Variants in DSC1 observed in about 807,000 individuals in gnomAD.
DSC1 encodes the protein desmocollin 1.
Under a neutral mutation model 98.8 loss-of-function variants are expected in DSC1, and 79 were observed. The ratio of observed to expected loss-of-function variants is 0.80; its 90% confidence interval spans 0.67 to 0.96. The LOEUF is 0.96. Among genes scored for constraint, DSC1 ranks in the 50% least tolerant of loss-of-function variants. The probability of loss-of-function intolerance (pLI) is 0.00; values close to 1 mark genes in which losing one functional copy is unlikely to be tolerated. For synonymous variants in DSC1, 405 were observed against 372.1 expected, an observed-to-expected ratio of 1.09 and a Z score of -1.02; for missense variants, 1,115 against 1,075.9, an observed-to-expected ratio of 1.04 and a Z score of -0.51.
intron 11 of DSC1, among the ~76,000 whole-genome samples, chr18:31,138,371 C>A (rs977195900): frequency 5.3e-5 from 8 of 152,164 alleles, no homozygotes; most frequent in African/African-American, 1.9e-4. Context: ...TTCATACATT[C>A]TTTTTGAGGA....
At chr18:31,155,921 A>T in intron 4 of DSC1, 122 bp downstream of exon 4, 1 of 1,031,182 alleles carries the variant, frequency 9.7e-7, no homozygotes, top group Non-Finnish European at 1.4e-6. Context: ...TCTGGTGAAT[A>T]GATGATCATT....
chr18:31,153,386 G>A (rs935062912), intron 5 of DSC1, among the ~76,000 whole-genome samples: 2 of 152,124 alleles, frequency 1.3e-5, no homozygotes, highest in Non-Finnish European at 1.5e-5. Context: ...CAAAGTGATT[G>A]CAATGGTGCT....
Position 31,130,483 on chromosome 18 carries a change from T to A in DSC1, c.*31A>T. ...CAAGTAATAAATTCCTACTTATGCA[T>A]CTGTGGATATTACACTATTAAAAGG... On this transcript the variant is annotated 3_prime_UTR_variant, in exon 16 of 16. Coordinates refer to ENST00000257198, the MANE Select transcript of DSC1 (RefSeq NM_024421.2). The A allele has an allele frequency of 6.2e-7, 1 of 1,609,434 alleles. No homozygotes were observed. The highest frequency in any genetic ancestry group is 8.5e-7 in the Non-Finnish European group (1 of 1,176,162).
At chr18:31,137,558 A>C (rs945928157) in intron 11 of DSC1, among the ~76,000 whole-genome samples, 1 of 152,186 alleles carries the variant, frequency 6.6e-6, no homozygotes, top group East Asian at 1.9e-4. Context: ...GACGATTTAC[A>C]AAGAAAAAGG....
At position 31,155,074 on chromosome 18, in the gene DSC1, C is replaced by T. The variant is rs945241634; in HGVS notation, c.472-145G>A. ...CTTCTGCTTAGGTGCCCATTATCTG[C>T]CATGTTTTCCGAATTTTTATTTGCA... On this transcript the variant is annotated intron_variant, in intron 4 of 15. Transcript: ENST00000257198. 3.2e-6 allele frequency: 3 copies of T among 948,580 alleles called. No individual in the cohort carries two copies. The African/African-American group carries it at 5.0e-5, about 16-fold the overall frequency. 58.8% of individuals were successfully genotyped at this position (948,580 alleles called of 1,614,324 possible).
At chr18:31,155,003 A>C in intron 4 of DSC1, 74 bp from the exon 5 acceptor site, 1 of 1,529,032 alleles carries the variant, frequency 6.5e-7, no homozygotes, top group Non-Finnish European at 8.9e-7. Context: ...GTGATGGTTT[A>C]TTTTTTTACC....
At position 31,134,643 on chromosome 18, in the gene DSC1, T is replaced by A; in HGVS notation, c.1805A>T (p.Glu602Val). Residue 602 changes from glutamate to valine, a missense_variant, in exon 12 of 16, where the codon GAA (glutamate) becomes GTA (valine). Physicochemically the swap from Glu to Val is moderately radical, Grantham distance 121. Transcript: ENST00000257198. ...VLKPVDPDGP[E>V]NGPPFQFFLD... is the part of the protein sequence containing the mutation. ...AAAGAATTGAAAAGGTGGTCCATTT[T>A]CAGGTCCATCTGGATCTACAGGTTT... 6.2e-7 allele frequency: 1 copy of A among 1,612,998 alleles called. No individual in the cohort carries two copies. Among genetic ancestry groups the A allele is most frequent in the Non-Finnish European group, 8.5e-7 (1 of 1,179,430 alleles).
At chr18:31,149,299 A>G (rs1447341986) in intron 5 of DSC1, among the ~76,000 whole-genome samples, 1 of 152,308 alleles carries the variant, frequency 6.6e-6, no homozygotes, top group Non-Finnish European at 1.5e-5. Context: ...TTCATCCCTC[A>G]TGGGAACAAC....
rs768220249 is a variant in DSC1, at chr18:31,156,174, A to C, written c.352-12T>G. ...CTCTTCTTAGGAGACTACATTTGAC[A>C]AGAAACAAAGAAATGTAGCATTGCT... On this transcript the variant is annotated splice_polypyrimidine_tract_variant and intron_variant, in intron 3 of 15. Coordinates refer to ENST00000257198, the MANE Select transcript of DSC1 (RefSeq NM_024421.2). The C allele has an allele frequency of 3.8e-6, 6 of 1,595,144 alleles. No individual in the cohort carries two copies. The African/African-American group carries it at 6.8e-5, about 18-fold the overall frequency.
Position 31,130,410 on chromosome 18 carries a change from A to C in DSC1, c.*104T>G. ...TAGTACCCTTACCTATACATGACAA[A>C]GTTTACCTCCATAAACAAAAACATT... On this transcript the variant is annotated 3_prime_UTR_variant, in exon 16 of 16. Transcript: ENST00000257198. 7.7e-7 allele frequency: 1 copy of C among 1,299,864 alleles called. No homozygotes were observed. The highest frequency in any genetic ancestry group is 1.1e-6 in the Non-Finnish European group (1 of 923,766). The allele number at this position is 1,299,864 out of a possible 1,614,324, so 80.5% of individuals were successfully genotyped here.
intron 14 of DSC1, chr18:31,132,070 G>T: frequency 3.5e-6 from 2 of 565,796 alleles, no homozygotes; most frequent in Non-Finnish European, 6.2e-6. Flanking sequence ...TGGAAATAGG[G>T]TCATTGTAGA....
chr18:31,145,589 A>G (rs1179515763), intron 7 of DSC1, 22 bp downstream of exon 7: 1 of 1,612,508 alleles, frequency 6.2e-7, no homozygotes, highest in African/African-American at 1.3e-5. Flanking sequence ...CAATGACTAG[A>G]TAGTTAATTA....
chr18:31,155,152 T>C (rs1383718628), intron 4 of DSC1, among the ~76,000 whole-genome samples: 6 of 152,220 alleles, frequency 3.9e-5, no homozygotes, highest in Non-Finnish European at 8.8e-5. Context: ...CTCAACTTTT[T>C]TGTCATTTGT....
chr18:31,154,945 A>G lies in DSC1; in HGVS notation c.472-16T>C. 1 of 1,611,068 alleles carries G rather than the reference A, an allele frequency of 6.2e-7. No individual in the cohort carries two copies. Among genetic ancestry groups the G allele is most frequent in the Non-Finnish European group, 8.5e-7 (1 of 1,179,292 alleles). Reference sequence around the variant, plus strand: ...CAGATTGGATCTGCAGTAATAATTTAGGAATAGAACAAATACGTCATGATG... The same window carrying G: ...CAGATTGGATCTGCAGTAATAATTTGGGAATAGAACAAATACGTCATGATG... On this transcript the variant is annotated splice_polypyrimidine_tract_variant and intron_variant, in intron 4 of 15. Transcript: ENST00000257198.
At chr18:31,148,347 A>G (rs1281443151) in intron 6 of DSC1, 151 bp downstream of exon 6, 2 of 933,514 alleles carry the variant, frequency 2.1e-6, no homozygotes, top group Non-Finnish European at 3.0e-6. Flanking sequence ...ATGTCATATA[A>G]CATCAATTCC....
intron 3 of DSC1, 28 bp from the exon 4 acceptor site, chr18:31,156,190 T>C: frequency 6.3e-7 from 1 of 1,594,752 alleles, no homozygotes. Flanking sequence ...CAAAGAAATG[T>C]AGCATTGCTT....
intron 7 of DSC1, among the ~76,000 whole-genome samples, chr18:31,144,918 C>A (rs192875067): frequency 4.0e-5 from 6 of 149,282 alleles, no homozygotes; most frequent in Middle Eastern, 3.5e-3. Context: ...ATATGGGAAC[C>A]GTCTGTATTT....
intron 9 of DSC1, 75 bp downstream of exon 9, chr18:31,141,924 A>T (rs934264246): frequency 7.0e-7 from 1 of 1,425,956 alleles, no homozygotes; most frequent in Admixed American, 2.4e-5. Flanking sequence ...TCATATACAT[A>T]TAAGAATTAT....
intron 4 of DSC1, 72 bp downstream of exon 4, chr18:31,155,971 T>C (rs12607298): frequency 2.0e-6 from 3 of 1,495,482 alleles, no homozygotes; most frequent in Admixed American, 1.8e-5. Flanking sequence ...CAATATGCTG[T>C]GCAATTCAAA....
Sources: gnomAD v4.1 joint callset for allele counts (sites outside exome capture counted in the v4.1 genomes callset) on GRCh38, gnomAD v4.1.1 for gene constraint, MANE v1.5 for transcripts, NCBI Gene and HGNC (gene_info 2026-07-23, HGNC 2026-07-21) for gene names.